HLA-DMB: variants seen among roughly 807,000 people sequenced by gnomAD.
The protein encoded by HLA-DMB is major histocompatibility complex, class II, DM beta, also known as HLA class II histocompatibility antigen, DM beta chain.
HLA-DMB carries 18 observed loss-of-function variants against 29.3 expected under a neutral mutation model. The observed-to-expected ratio is 0.62, with a 90% CI of 0.43 to 0.91. The LOEUF (loss-of-function observed/expected upper bound fraction) is 0.91, where lower values mean the gene tolerates loss of function less well. Among genes scored for constraint, HLA-DMB ranks in the 40% least tolerant of loss-of-function variants. The pLI is 0.00. For synonymous variants in HLA-DMB, 143 were observed against 128.7 expected (o/e 1.11, Z -0.75); for missense variants, 258 against 320.9 (o/e 0.80, Z 1.50).
chr6:32,937,189 G>A lies in HLA-DMB; in HGVS notation c.605C>T (p.Pro202Leu). ...CVVEHTGAPE[P>L]ILRDWTPGLS... ...ACACTTACTCCAGTCCCGAAGGATGGGCTCAGGAGCCCCAGTGTGCTCTAC... is the reference window on the plus strand; with the variant it reads ...ACACTTACTCCAGTCCCGAAGGATGAGCTCAGGAGCCCCAGTGTGCTCTAC... The change falls in exon 3 of 6, where the codon CCC becomes CTC. Residue 202 changes from proline (P) to leucine (L), a missense_variant. By Grantham distance (98) the Pro-to-Leu change is moderately conservative. Transcript: ENST00000418107. The surrounding 1 kb of genome is among the most constrained non-coding windows in gnomAD (Gnocchi z 4.1). 6.3e-7 allele frequency: 1 copy of A among 1,597,534 alleles called. No individual in the cohort carries two copies. Among genetic ancestry groups the A allele is most frequent in the Non-Finnish European group, 8.6e-7 (1 of 1,169,086 alleles).
chr6:32,940,801 T>C lies in HLA-DMB; in HGVS notation c.7A>G (p.Thr3Ala). 1 of 1,599,534 alleles carries C rather than the reference T, an allele frequency of 6.3e-7. No homozygotes were observed. Among genetic ancestry groups the C allele is most frequent in the Non-Finnish European group, 8.5e-7 (1 of 1,173,694 alleles). The change falls in exon 1 of 6, where the codon ACA (threonine) becomes GCA (alanine). Residue 3 changes from threonine to alanine, a missense_variant. Transcript: ENST00000418107. MI[T>A]FLPLLLGLSL... The stretch of plus-strand genomic sequence containing the variant: ...AGCCCCAGCAGCAGCGGCAGGAATG[T>C]GATCATGCTCTGCTCTGTAAAGATG...
In HLA-DMB at chr6:32,941,002, G is replaced by C. The variant is rs1393186676; in HGVS notation, c.-195C>G. On this transcript the variant is annotated 5_prime_UTR_variant, in exon 1 of 6. Coordinates refer to ENST00000418107, the MANE Select transcript of HLA-DMB (RefSeq NM_002118.5). The surrounding 1 kb of genome is among the most constrained non-coding windows in gnomAD (Gnocchi z 5.2). ...TACCCAGCCCCTAGATATTAAATCT[G>C]TTCCTTCCAGCTCACGGGAGTCCAG... 9.4e-6 allele frequency: 5 copies of C among 529,616 alleles called. No homozygotes were observed. The highest frequency in any genetic ancestry group is 7.5e-5 in the African/African-American group (4 of 53,142). The allele number at this position is 529,616 out of a possible 1,614,324, so 32.8% of individuals were successfully genotyped here.
At chr6:32,935,123 C>T (rs1775926986) in intron 5 of HLA-DMB, 136 bp from the exon 6 acceptor site, 2 of 969,500 alleles carry the variant, frequency 2.1e-6, no homozygotes, top group Non-Finnish European at 3.3e-6. Flanking sequence ...AAAGGAAGCA[C>T]CTTCAGCCTC....
In HLA-DMB at chr6:32,934,797, G is replaced by GT. The variant is rs1261386398; in HGVS notation, c.*173dup. 1 of 650,482 alleles carries GT rather than the reference G, an allele frequency of 1.5e-6. No homozygotes were observed. Among genetic ancestry groups the GT allele is most frequent in the Non-Finnish European group, 2.7e-6 (1 of 370,196 alleles). 40.3% of individuals were successfully genotyped at this position (650,482 alleles called of 1,614,324 possible). On this transcript the variant is annotated 3_prime_UTR_variant, in exon 6 of 6. Transcript: ENST00000418107. ...GTTACAGCATAGTCCCAGGAATGAG[G>GT]TCCCCCAAGTTGCTAAGTTTTACAT...
In HLA-DMB at chr6:32,937,708, AAGCC is replaced by A; in HGVS notation, c.338-256_338-253del. The A allele has an allele frequency of 1.8e-6, 1 of 545,796 alleles. No individual in the cohort carries two copies. The highest frequency in any genetic ancestry group is 3.2e-6 in the Non-Finnish European group (1 of 308,666). 33.8% of individuals were successfully genotyped at this position (545,796 alleles called of 1,614,324 possible). A position where few individuals can be genotyped will look rare whatever the true frequency, so the allele number is the denominator to read the frequency against. ...AATTATGTTTGATTACAATTAGTAA[AAGCC>A]AGATCTGAACTGCAAGCTGTTCTAG... On this transcript the variant is annotated intron_variant, in intron 2 of 5. Coordinates refer to ENST00000418107, the MANE Select transcript of HLA-DMB (RefSeq NM_002118.5). The surrounding 1 kb of genome is among the most constrained non-coding windows in gnomAD (Gnocchi z 4.1).
chr6:32,937,721 A>C lies in HLA-DMB; in HGVS notation c.338-265T>G. 1 of 519,242 alleles carries C rather than the reference A, an allele frequency of 1.9e-6. No homozygotes were observed. Among genetic ancestry groups the C allele is most frequent in the Non-Finnish European group, 3.4e-6 (1 of 293,928 alleles). 32.2% of individuals were successfully genotyped at this position (519,242 alleles called of 1,614,324 possible). ...TACAATTAGTAAAAGCCAGATCTGA[A>C]CTGCAAGCTGTTCTAGAAGTTGTTG... On this transcript the variant is annotated intron_variant, in intron 2 of 5. Coordinates refer to ENST00000418107, the MANE Select transcript of HLA-DMB (RefSeq NM_002118.5). This position sits in a 1 kb window ranked among gnomAD's most constrained non-coding sequence, Gnocchi z 4.1.
intron 3 of HLA-DMB, 177 bp downstream of exon 3, chr6:32,936,995 A>G (rs928059459): frequency 1.5e-5 from 7 of 478,142 alleles, no homozygotes; most frequent in Middle Eastern, 2.9e-4. Context: ...TTTTGCACCA[A>G]CCTAAATATT....
chr6:32,940,318 G>A (rs1776278400), intron 1 of HLA-DMB, among the ~76,000 whole-genome samples: 1 of 152,054 alleles, frequency 6.6e-6, no homozygotes, highest in Non-Finnish European at 1.5e-5. Flanking sequence ...AGGGATAGGA[G>A]TAGCCCCCCG....
chr6:32,938,614 G>A lies in HLA-DMB; in HGVS notation c.337+70C>T, dbSNP rs1249067954. The A allele has an allele frequency of 2.2e-6, 3 of 1,375,116 alleles. No homozygotes were observed. In the African/African-American group the frequency reaches 4.5e-5, roughly 21 times the overall value. 85.2% of individuals were successfully genotyped at this position (1,375,116 alleles called of 1,614,324 possible). A position where few individuals can be genotyped will look rare whatever the true frequency, so the allele number is the denominator to read the frequency against. The stretch of plus-strand genomic sequence containing the variant: ...TCAAATCTCAAACCCCTGGGCCACT[G>A]TGGGATCCTCCCTGGCCTGCCCTCC... On this transcript the variant is annotated intron_variant, in intron 2 of 5. Coordinates refer to ENST00000418107, the MANE Select transcript of HLA-DMB (RefSeq NM_002118.5).
In HLA-DMB at chr6:32,934,754, G is replaced by A. The variant is rs1775899096; in HGVS notation, c.*217C>T. The A allele has an allele frequency of 1.7e-6, 1 of 603,564 alleles. No homozygotes were observed. Among genetic ancestry groups the A allele is most frequent in the Non-Finnish European group, 2.9e-6 (1 of 340,866 alleles). 37.4% of individuals were successfully genotyped at this position (603,564 alleles called of 1,614,324 possible). On this transcript the variant is annotated 3_prime_UTR_variant, in exon 6 of 6. Transcript: ENST00000418107. ...AGATTATATTCATCCCAGAAATATA[G>A]CCTTGGACAATAATTTGGTTACAGC...
chr6:32,936,134 A>C, intron 3 of HLA-DMB: 1 of 161,796 alleles, frequency 6.2e-6, no homozygotes, highest in Non-Finnish European at 1.4e-5. Flanking sequence ...CTACATCTAG[A>C]TCTCCCATGT....
chr6:32,939,686 T>TTAC (rs1776233723), intron 1 of HLA-DMB, among the ~76,000 whole-genome samples: 1 of 152,214 alleles, frequency 6.6e-6, no homozygotes, highest in South Asian at 2.1e-4. Flanking sequence ...TCACTGTACA[T>TTAC]TACATGTACT....
chr6:32,936,796 T>C (rs1776026112), intron 3 of HLA-DMB: 1 of 179,782 alleles, frequency 5.6e-6, no homozygotes, highest in East Asian at 1.4e-4. Context: ...CAATTTGGGG[T>C]TCTGAAAATA....
intron 3 of HLA-DMB, 85 bp from the exon 4 acceptor site, chr6:32,935,737 G>T: frequency 1.1e-6 from 1 of 893,428 alleles, no homozygotes; most frequent in Non-Finnish European, 1.8e-6. Flanking sequence ...CTCTCAGTGG[G>T]TTAAAAGGTC....
In HLA-DMB at chr6:32,940,790, C is replaced by T. The variant is rs1776312105; in HGVS notation, c.18G>A (p.Pro6=). MITFL[P]LLLGLSLGCT... ...AGCCCAGGCTGAGCCCCAGCAGCAGCGGCAGGAATGTGATCATGCTCTGCT... is the reference window on the plus strand; with the variant it reads ...AGCCCAGGCTGAGCCCCAGCAGCAGTGGCAGGAATGTGATCATGCTCTGCT... Residue 6 remains proline, a synonymous_variant, in exon 1 of 6, where the codon CCG becomes CCA. Transcript: ENST00000418107. The T allele has an allele frequency of 3.1e-6, 5 of 1,603,032 alleles. No homozygotes were observed. The highest frequency in any genetic ancestry group is 1.7e-4 in the Middle Eastern group (1 of 6,038).
chr6:32,939,039 TAATAAATATACAC>T, intron 1 of HLA-DMB, 74 bp from the exon 2 acceptor site: 1 of 872,914 alleles, frequency 1.1e-6, no homozygotes, highest in Non-Finnish European at 1.5e-6. Context: ...AATATATAAA[TAATAAATATACAC>T]AAATAATAAA....
chr6:32,935,490 G>A (rs1331735533), intron 4 of HLA-DMB, 46 bp downstream of exon 4: 2 of 1,545,638 alleles, frequency 1.3e-6, no homozygotes, highest in Non-Finnish European at 1.8e-6. Flanking sequence ...AAAGTAAGCA[G>A]AGAGTGGGAC....
At chr6:32,935,841 C>T (rs1479494751) in intron 3 of HLA-DMB, 189 bp from the exon 4 acceptor site, 2 of 601,308 alleles carry the variant, frequency 3.3e-6, no homozygotes, top group Non-Finnish European at 5.9e-6. Flanking sequence ...ACCTCTACTC[C>T]TAGAGTAAGC....
Position 32,940,952 on chromosome 6 carries a change from A to C in HLA-DMB, c.-145T>G. The C allele has an allele frequency of 1.7e-6, 1 of 574,278 alleles. No homozygotes were observed. Among genetic ancestry groups the C allele is most frequent in the South Asian group, 2.3e-5 (1 of 43,086 alleles). The allele number at this position is 574,278 out of a possible 1,614,324, so 35.6% of individuals were successfully genotyped here. On this transcript the variant is annotated 5_prime_UTR_variant, in exon 1 of 6. Coordinates refer to ENST00000418107, the MANE Select transcript of HLA-DMB (RefSeq NM_002118.5). ...AATACTATATTGCCCGGGTCCCTTG[A>C]CCCCCCAAATGAGTGATGTGGGGAT...
Sources: gnomAD v4.1 joint callset for allele counts (sites outside exome capture counted in the v4.1 genomes callset) on GRCh38, gnomAD v4.1.1 for gene constraint, Gnocchi (gnomAD v3.1) non-coding constraint, MANE v1.5 for transcripts, NCBI Gene and HGNC (gene_info 2026-07-23, HGNC 2026-07-21) for gene names.